Variants in NEGR1 observed in about 807,000 individuals in gnomAD.
NEGR1 encodes neuronal growth regulator 1, also known as IgLON family member 4.
A neutral mutation model predicts 40.9 loss-of-function variants in NEGR1; 10 were observed. The ratio of observed to expected loss-of-function variants is 0.24; its 90% CI spans 0.15 to 0.42. NEGR1 has a LOEUF of 0.42. NEGR1 is among the 10% of genes least tolerant of loss of function. NEGR1 has a pLI of 1.00. For missense variants in NEGR1, 352 were observed against 438.9 expected, an observed-to-expected ratio of 0.80 and a Z score of 1.77; for synonymous variants, 185 against 166.8, an observed-to-expected ratio of 1.11 and a Z score of -0.84.
intron 4 of NEGR1, among the ~76,000 whole-genome samples, chr1:71,670,584 TCTCA>T (rs1652387647): frequency 6.6e-6 from 1 of 151,520 alleles, no homozygotes; most frequent in African/African-American, 2.4e-5. Flanking sequence ...GAGATGGGGG[TCTCA>T]CTCTGTTGTC....
chr1:71,598,802 T>C (rs537759800), intron 5 of NEGR1, among the ~76,000 whole-genome samples: 66 of 152,362 alleles, frequency 4.3e-4, no homozygotes, highest in African/African-American at 1.6e-3. Context: ...GGTATGGGGT[T>C]ACTGTATTCT....
intron 2 of NEGR1, among the ~76,000 whole-genome samples, chr1:71,792,423 C>T (rs1300956462): frequency 6.6e-6 from 1 of 152,068 alleles, no homozygotes; most frequent in Non-Finnish European, 1.5e-5. Context: ...CGTAAGAGCC[C>T]TTCTCATCCT....
chr1:71,472,725 T>A (rs1352983306), intron 6 of NEGR1: 1 of 152,062 alleles, frequency 6.6e-6, no homozygotes, highest in Non-Finnish European at 1.5e-5. Context: ...TTCTGATACA[T>A]GAGAAGAGAG....
At chr1:71,700,566 CAT>C (rs562190395) in intron 3 of NEGR1, among the ~76,000 whole-genome samples, 8 of 152,054 alleles carry the variant, frequency 5.3e-5, no homozygotes, top group South Asian at 2.1e-4. Flanking sequence ...AAATTAACCA[CAT>C]GTCAATTTAA....
intron 2 of NEGR1, among the ~76,000 whole-genome samples, chr1:71,835,929 T>C (rs576270590): frequency 2.0e-5 from 3 of 152,208 alleles, no homozygotes; most frequent in Non-Finnish European, 4.4e-5. Context: ...TATGTGTGTG[T>C]GTGCACATAT....
chr1:71,776,156 T>A lies in NEGR1; in HGVS notation c.535+16A>T. 2 of 1,604,136 alleles carry A rather than the reference T, an allele frequency of 1.2e-6. No individual in the cohort carries two copies. Among genetic ancestry groups the A allele is most frequent in the Non-Finnish European group, 1.7e-6 (2 of 1,174,150 alleles). The stretch of plus-strand genomic sequence containing the variant: ...AAATGAACAGCACAAACAACACTAA[T>A]GCATTCCTACTTTACCTGATGGGGA... On this transcript the variant is annotated intron_variant, in intron 3 of 6. Coordinates refer to ENST00000357731, the MANE Select transcript of NEGR1 (RefSeq NM_173808.3).
At chr1:71,844,957 A>G (rs1262291357) in intron 2 of NEGR1, among the ~76,000 whole-genome samples, 1 of 152,198 alleles carries the variant, frequency 6.6e-6, no homozygotes, top group Non-Finnish European at 1.5e-5. Context: ...TCAGATTTGC[A>G]GACAGAAATT....
chr1:72,247,542 A>G (rs1654940115), intron 1 of NEGR1, among the ~76,000 whole-genome samples: 1 of 152,184 alleles, frequency 6.6e-6, no homozygotes, highest in South Asian at 2.1e-4. Context: ...TTCTTTGCTA[A>G]GGCTAACACA....
chr1:71,947,580 C>A (rs902539949), intron 1 of NEGR1, among the ~76,000 whole-genome samples: 2 of 152,138 alleles, frequency 1.3e-5, no homozygotes, highest in Admixed American at 6.6e-5. Flanking sequence ...AAGAATTTAG[C>A]AACCTCTAGA....
intron 1 of NEGR1, among the ~76,000 whole-genome samples, chr1:72,009,024 G>A (rs939660612): frequency 6.6e-6 from 1 of 150,434 alleles, no homozygotes; most frequent in Non-Finnish European, 1.5e-5. Flanking sequence ...AGAAAAGAAA[G>A]AAAGAAGGGG....
intron 2 of NEGR1, among the ~76,000 whole-genome samples, chr1:71,802,441 T>C (rs1391696286): frequency 1.3e-5 from 2 of 152,186 alleles, no homozygotes; most frequent in Non-Finnish European, 2.9e-5. Flanking sequence ...AGTATGACCT[T>C]GAAGGTAATT....
At chr1:71,898,300 T>A (rs1007915615) in intron 2 of NEGR1, among the ~76,000 whole-genome samples, 1 of 152,152 alleles carries the variant, frequency 6.6e-6, no homozygotes, top group Non-Finnish European at 1.5e-5. Flanking sequence ...GCTCATCCCA[T>A]AAAATGCTTA....
intron 1 of NEGR1, among the ~76,000 whole-genome samples, chr1:72,166,292 T>C (rs960534319): frequency 6.6e-6 from 1 of 151,882 alleles, no homozygotes; most frequent in Non-Finnish European, 1.5e-5. Flanking sequence ...TAAGTGTTGG[T>C]GAGGATGTGA....
chr1:71,826,787 C>A (rs1658641606), intron 2 of NEGR1, among the ~76,000 whole-genome samples: 1 of 151,840 alleles, frequency 6.6e-6, no homozygotes, highest in Non-Finnish European at 1.5e-5. Context: ...TAGCTAGTTA[C>A]CTACATAATT....
intron 2 of NEGR1, among the ~76,000 whole-genome samples, chr1:71,896,129 C>T (rs1660966815): frequency 6.6e-6 from 1 of 151,172 alleles, no homozygotes; most frequent in South Asian, 2.1e-4. Context: ...CCTCCTCCTC[C>T]CGAGCTCAAG....
intron 6 of NEGR1, among the ~76,000 whole-genome samples, chr1:71,452,602 T>A (rs1237571170): frequency 6.6e-6 from 1 of 152,174 alleles, no homozygotes; most frequent in Non-Finnish European, 1.5e-5. Flanking sequence ...GTCTCCTTGA[T>A]AGTGATTTGG....
intron 1 of NEGR1, among the ~76,000 whole-genome samples, chr1:72,182,553 G>A (rs914160007): frequency 2.6e-5 from 4 of 151,840 alleles, no homozygotes; most frequent in Admixed American, 2.6e-4. Flanking sequence ...TCCATTTTGG[G>A]TCTTTTAGTA....
intron 2 of NEGR1, chr1:71,794,525 C>T (rs973196089): frequency 6.6e-6 from 1 of 151,832 alleles, no homozygotes; most frequent in African/African-American, 2.4e-5. Flanking sequence ...TGGTGCTAGG[C>T]AATTGTCTAC....
chr1:72,089,898 G>A lies in NEGR1; in HGVS notation c.177-154587C>T, dbSNP rs563039869. 1.6e-4 allele frequency among the ~76,000 whole-genome samples: 24 copies of A among 152,006 alleles called. No homozygotes were observed. The East Asian group carries it at 2.9e-3, about 18-fold the overall frequency. On this transcript the variant is annotated intron_variant, in intron 1 of 6. Coordinates refer to ENST00000357731, the MANE Select transcript of NEGR1 (RefSeq NM_173808.3). ...ACCTCACTTCAGGGATTTGTGGTAC[G>A]GAGATTTATATAATTTCTTAAATAG...
Sources: gnomAD v4.1 joint callset for allele counts (sites outside exome capture counted in the v4.1 genomes callset) on GRCh38, gnomAD v4.1.1 for gene constraint, MANE v1.5 for transcripts, NCBI Gene and HGNC (gene_info 2026-07-23, HGNC 2026-07-21) for gene names.